Variants in AAK1 observed in about 807,000 individuals in gnomAD.
AAK1 encodes AP2-associated protein kinase 1.
A neutral mutation model predicts 116.0 loss-of-function variants in AAK1; 37 were observed. The observed-to-expected ratio is 0.32, with a 90% CI of 0.25 to 0.42. The LOEUF (loss-of-function observed/expected upper bound fraction) is 0.42. Among genes scored for constraint, AAK1 ranks in the 10% least tolerant of loss-of-function variants. The pLI, the probability that AAK1 is intolerant of heterozygous loss-of-function variation, is 1.00. For missense variants in AAK1, 919 were observed against 1,170.6 expected (o/e 0.79, Z 3.14); for synonymous variants, 458 against 439.9 (o/e 1.04, Z -0.51).
rs142556116 is a variant in AAK1 at position 69,603,352 on chromosome 2, C to T, written c.163+39526G>A. 8.5e-4 allele frequency among the ~76,000 whole-genome samples: 129 copies of T among 152,164 alleles called. 1 individual carries two copies. The highest frequency in any genetic ancestry group is 1.4e-3 in the Non-Finnish European group (93 of 68,006). On this transcript the variant is annotated intron_variant, in intron 2 of 21. Coordinates refer to ENST00000409085, the MANE Select transcript of AAK1 (RefSeq NM_014911.5). ...AGCATCTTTACAAGTAGGTAGATCA[C>T]GAGCCAGCACGCAAGAAACAGAGGA...
rs138880194 is a variant in AAK1 at position 69,486,097 on chromosome 2, G to A, written c.2366-3285C>T. ...AGCCTTCTGAGAAGCTAGGGCTACAGGCATGTACCACCATGCTCGGCTAAT... is the reference window on the plus strand; with the variant it reads ...AGCCTTCTGAGAAGCTAGGGCTACAAGCATGTACCACCATGCTCGGCTAAT... On this transcript the variant is annotated intron_variant, in intron 17 of 21. Transcript: ENST00000409085. Among the ~76,000 whole-genome samples, 74 of 152,114 alleles carry A rather than the reference G, an allele frequency of 4.9e-4. 2 individuals carry two copies. The East Asian group carries it at 0.014, about 28-fold the overall frequency.
At position 69,471,913 on chromosome 2, in the gene AAK1, T is replaced by C; in HGVS notation, c.*3956A>G. ...CCAAAAGTATTAATAATAAAACAAA[T>C]ATTACATCTTGAGAAAGTAGTTCGT... On this transcript the variant is annotated 3_prime_UTR_variant, in exon 22 of 22. Coordinates refer to ENST00000409085, the MANE Select transcript of AAK1 (RefSeq NM_014911.5). The C allele has an allele frequency of 1.0e-6, 1 of 985,308 alleles. No homozygotes were observed. Among genetic ancestry groups the C allele is most frequent in the Non-Finnish European group, 1.2e-6 (1 of 829,808 alleles). The allele number at this position is 985,308 out of a possible 1,614,324, so 61.0% of individuals were successfully genotyped here. A position where few individuals can be genotyped will look rare whatever the true frequency, so the allele number is the denominator to read the frequency against.
chr2:69,520,601 G>A (rs76721122), intron 11 of AAK1, among the ~76,000 whole-genome samples: 14 of 151,914 alleles, frequency 9.2e-5, no homozygotes, highest in Non-Finnish European at 1.8e-4. Flanking sequence ...AACTGACCTC[G>A]GATGATTCAC....
intron 2 of AAK1, among the ~76,000 whole-genome samples, chr2:69,641,083 C>G (rs1675701542): frequency 6.6e-6 from 1 of 152,188 alleles, no homozygotes; most frequent in Admixed American, 6.5e-5. Flanking sequence ...AGATGAATCC[C>G]AGAGAAGAGG....
rs1188079385 is a variant in AAK1, at chr2:69,467,819, C to T, written c.*8050G>A. 1.0e-6 allele frequency: 1 copy of T among 985,286 alleles called. No homozygotes were observed. The highest frequency in any genetic ancestry group is 1.7e-5 in the African/African-American group (1 of 57,234). The allele number at this position is 985,286 out of a possible 1,614,324, so 61.0% of individuals were successfully genotyped here. ...AAAATCAGTTTATTGGGAAACCAGTCACTTAGAGACATTACATTGTAAAGA... is the reference window on the plus strand; with the variant it reads ...AAAATCAGTTTATTGGGAAACCAGTTACTTAGAGACATTACATTGTAAAGA... On this transcript the variant is annotated 3_prime_UTR_variant, in exon 22 of 22. Coordinates refer to ENST00000409085, the MANE Select transcript of AAK1 (RefSeq NM_014911.5).
intron 5 of AAK1, among the ~76,000 whole-genome samples, chr2:69,537,379 C>T (rs942362778): frequency 3.3e-5 from 5 of 152,202 alleles, no homozygotes; most frequent in Admixed American, 6.5e-5. Context: ...GAAAGAAAGG[C>T]TGCACAGGCA....
intron 2 of AAK1, among the ~76,000 whole-genome samples, chr2:69,634,019 A>T (rs1675338380): frequency 6.6e-6 from 1 of 152,074 alleles, no homozygotes; most frequent in South Asian, 2.1e-4. Flanking sequence ...AAAATACAAA[A>T]ATTAGCTGGG....
At position 69,519,186 on chromosome 2, in the gene AAK1, G is replaced by T; in HGVS notation, c.1265C>A (p.Ala422Asp). The change falls in exon 12 of 22, where the codon GCC (alanine) becomes GAC (aspartate). Residue 422 changes from alanine to aspartate, a missense_variant. Coordinates refer to ENST00000409085, the MANE Select transcript of AAK1 (RefSeq NM_014911.5). ...TTGCGGCAGAGGCTGGCTGGGTGGG[G>T]CTTGGGGTTTTGGTTGGGGAACACT... ...LASVPQPKPQ[A>D]PPSQPLPQTQ... 1 of 1,588,658 alleles carries T rather than the reference G, an allele frequency of 6.3e-7. No homozygotes were observed. Among genetic ancestry groups the T allele is most frequent in the South Asian group, 1.2e-5 (1 of 86,922 alleles).
chr2:69,574,377 C>CA (rs58486434), intron 2 of AAK1, among the ~76,000 whole-genome samples: 4,086 of 74,614 alleles, frequency 0.055, 275 homozygotes, highest in African/African-American at 0.16. Flanking sequence ...GACTCCCTCT[C>CA]AAAAAAAAAA....
At chr2:69,595,415 C>T (rs1222203115) in intron 2 of AAK1, among the ~76,000 whole-genome samples, 1 of 152,200 alleles carries the variant, frequency 6.6e-6, no homozygotes, top group Non-Finnish European at 1.5e-5. Context: ...TGCACCCAAC[C>T]TCTTGAAGGA....
At chr2:69,495,446 C>G (rs1675699826) in intron 17 of AAK1, among the ~76,000 whole-genome samples, 1 of 152,198 alleles carries the variant, frequency 6.6e-6, no homozygotes, top group South Asian at 2.1e-4. Flanking sequence ...CAGGTAGCGG[C>G]AGAGCCTGGA....
chr2:69,472,289 C>T lies in AAK1; in HGVS notation c.*3580G>A. On this transcript the variant is annotated 3_prime_UTR_variant, in exon 22 of 22. Coordinates refer to ENST00000409085, the MANE Select transcript of AAK1 (RefSeq NM_014911.5). The stretch of plus-strand genomic sequence containing the variant: ...GGAAATGGCTAAATGTTACTCAGAA[C>T]CAAGAGTAGTAGAAAAAGTAGACAA... The T allele has an allele frequency of 2.3e-6, 1 of 444,270 alleles. No homozygotes were observed. Among genetic ancestry groups the T allele is most frequent in the Non-Finnish European group, 3.0e-6 (1 of 335,714 alleles). The allele number at this position is 444,270 out of a possible 1,614,324, so 27.5% of individuals were successfully genotyped here. A position where few individuals can be genotyped will look rare whatever the true frequency, so the allele number is the denominator to read the frequency against.
At chr2:69,526,392 A>C (rs1670026571) in intron 9 of AAK1, among the ~76,000 whole-genome samples, 1 of 152,248 alleles carries the variant, frequency 6.6e-6, no homozygotes, top group Non-Finnish European at 1.5e-5. Context: ...ACTAGCAAGA[A>C]CATTTCAGAT....
At chr2:69,538,492 G>A (rs1222534085) in intron 5 of AAK1, among the ~76,000 whole-genome samples, 1 of 152,252 alleles carries the variant, frequency 6.6e-6, no homozygotes, top group Non-Finnish European at 1.5e-5. Context: ...ACCAGGCAGT[G>A]CTATCCTGGT....
intron 9 of AAK1, among the ~76,000 whole-genome samples, chr2:69,526,200 G>T (rs906354198): frequency 1.3e-5 from 2 of 152,136 alleles, no homozygotes; most frequent in African/African-American, 4.8e-5. Flanking sequence ...TCAGTCATGT[G>T]GGTCTAATGC....
At chr2:69,587,326 TAC>T (rs1473756995) in intron 2 of AAK1, among the ~76,000 whole-genome samples, 1 of 149,622 alleles carries the variant, frequency 6.7e-6, no homozygotes, top group Non-Finnish European at 1.5e-5. Context: ...CGCACATATA[TAC>T]ACATATGCGT....
At chr2:69,524,412 T>TTTTTG (rs72095421) in intron 10 of AAK1, among the ~76,000 whole-genome samples, 3,037 of 148,664 alleles carry the variant, frequency 0.02, 62 homozygotes, top group African/African-American at 0.056. Context: ...CAACATTCTT[T>TTTTTG]TTTTGTTTTG....
chr2:69,466,511 T>C lies in AAK1; in HGVS notation c.*9358A>G. The C allele has an allele frequency of 1.6e-6, 2 of 1,226,336 alleles. No individual in the cohort carries two copies. Among genetic ancestry groups the C allele is most frequent in the South Asian group, 2.8e-5 (2 of 70,852 alleles). The allele number at this position is 1,226,336 out of a possible 1,614,324, so 76.0% of individuals were successfully genotyped here. ...CACCCAGTGATTCTTTAAAGTGCTC[T>C]ACAGTTATTACAGGACAGGGATTGG... is the stretch of plus-strand genomic sequence containing the variant. On this transcript the variant is annotated 3_prime_UTR_variant, in exon 22 of 22. Coordinates refer to ENST00000409085, the MANE Select transcript of AAK1 (RefSeq NM_014911.5).
Position 69,465,148 on chromosome 2 carries a change from G to A in AAK1, c.*10721C>T, listed in dbSNP as rs1044685516. On this transcript the variant is annotated 3_prime_UTR_variant, in exon 22 of 22. Coordinates refer to ENST00000409085, the MANE Select transcript of AAK1 (RefSeq NM_014911.5). ...GCGGGGGGAAAGCAGAGTTCTTGGT[G>A]GAAGTGGATGACCTCTGTGAAGGAG... 1 of 232,576 alleles carries A rather than the reference G, an allele frequency of 4.3e-6. No individual in the cohort carries two copies. The highest frequency in any genetic ancestry group is 8.6e-6 in the Non-Finnish European group (1 of 116,858). 14.4% of individuals were successfully genotyped at this position (232,576 alleles called of 1,614,324 possible). A position where few individuals can be genotyped will look rare whatever the true frequency, so the allele number is the denominator to read the frequency against.
Sources: gnomAD v4.1 joint callset for allele counts (sites outside exome capture counted in the v4.1 genomes callset) on GRCh38, gnomAD v4.1.1 for gene constraint, MANE v1.5 for transcripts, NCBI Gene and HGNC (gene_info 2026-07-23, HGNC 2026-07-21) for gene names.